MAN1A2: variants seen among roughly 807,000 people sequenced by gnomAD.
The protein encoded by MAN1A2 is mannosyl-oligosaccharide 1,2-alpha-mannosidase IB.
In MAN1A2, 26 loss-of-function variants were observed where a neutral mutation model predicts 75.7. That is an observed-to-expected ratio of 0.34 (90% CI 0.25 to 0.48). The LOEUF (loss-of-function observed/expected upper bound fraction) is 0.48, where lower values mean the gene tolerates loss of function less well. Among genes scored for constraint, MAN1A2 ranks in the 20% least tolerant of loss-of-function variants. The pLI is 0.99. For missense variants in MAN1A2, 562 were observed against 775.5 expected (o/e 0.72, Z 3.27); for synonymous variants, 247 against 264.6 (o/e 0.93, Z 0.65).
chr1:117,503,832 A>G (rs1466757037), intron 12 of MAN1A2, among the ~76,000 whole-genome samples: 1 of 151,590 alleles, frequency 6.6e-6, no homozygotes, highest in East Asian at 1.9e-4. Flanking sequence ...TACAATTAAA[A>G]TGTACCGTTC....
intron 1 of MAN1A2, among the ~76,000 whole-genome samples, chr1:117,399,935 A>G (rs1362274115): frequency 6.6e-6 from 1 of 152,182 alleles, no homozygotes; most frequent in Admixed American, 6.5e-5. Context: ...TGATTAACAT[A>G]GATGGATTAT....
At chr1:117,373,285 G>A (rs1146298) in intron 1 of MAN1A2, among the ~76,000 whole-genome samples, 116,500 of 151,670 alleles carry the variant, frequency 0.77, 44,922 homozygotes, top group African/African-American at 0.82. Context: ...TTTTTTATTT[G>A]GGGCTTTCTG....
intron 11 of MAN1A2, among the ~76,000 whole-genome samples, chr1:117,501,003 A>T (rs1187799507): frequency 6.6e-6 from 1 of 151,814 alleles, no homozygotes; most frequent in African/African-American, 2.4e-5. Context: ...GATATGTCTG[A>T]ATCACGTGAG....
chr1:117,485,089 A>G (rs901486008), intron 8 of MAN1A2, among the ~76,000 whole-genome samples: 2 of 151,994 alleles, frequency 1.3e-5, no homozygotes, highest in African/African-American at 4.8e-5. Flanking sequence ...TTCTATGTAA[A>G]ATCATCTTGA....
chr1:117,443,981 A>G (rs962680763), intron 6 of MAN1A2, among the ~76,000 whole-genome samples: 1 of 151,414 alleles, frequency 6.6e-6, no homozygotes, highest in Non-Finnish European at 1.5e-5. Flanking sequence ...CTTAGTCTTG[A>G]TGACTGAAAG....
chr1:117,488,323 G>C (rs942193472), intron 8 of MAN1A2, among the ~76,000 whole-genome samples: 4 of 151,542 alleles, frequency 2.6e-5, no homozygotes, highest in Non-Finnish European at 4.4e-5. Context: ...AGCCTCCCAA[G>C]TAGCTGGGAT....
chr1:117,505,973 G>C (rs1363694466), intron 12 of MAN1A2, among the ~76,000 whole-genome samples: 1 of 151,338 alleles, frequency 6.6e-6, no homozygotes, highest in Admixed American at 6.6e-5. Flanking sequence ...TCTTAGGGAA[G>C]ATACAAAAAC....
chr1:117,499,345 T>TTTTTGCAAACAAACAAAATG, intron 10 of MAN1A2, 37 bp from the exon 11 acceptor site: 1 of 1,419,886 alleles, frequency 7.0e-7, no homozygotes, highest in Non-Finnish European at 9.4e-7. Context: ...ACATAAATGG[T>TTTTTGCAAACAAACAAAATG]TTATTTTGCT....
At chr1:117,418,554 G>A (rs1377519654) in intron 4 of MAN1A2, among the ~76,000 whole-genome samples, 2 of 151,976 alleles carry the variant, frequency 1.3e-5, no homozygotes, top group African/African-American at 4.8e-5. Context: ...ATTTTAAAAA[G>A]GCAATCTGTT....
At chr1:117,437,799 A>G (rs775011163) in intron 5 of MAN1A2, among the ~76,000 whole-genome samples, 6 of 152,208 alleles carry the variant, frequency 3.9e-5, no homozygotes, top group Non-Finnish European at 7.3e-5. Context: ...TTTTTGTAGA[A>G]CATATTAAAA....
At chr1:117,429,401 TC>T (rs1354162965) in intron 5 of MAN1A2, among the ~76,000 whole-genome samples, 1 of 131,884 alleles carries the variant, frequency 7.6e-6, no homozygotes, top group African/African-American at 2.9e-5. Flanking sequence ...GCCCCTCACC[TC>T]CCGGACGGGG....
intron 9 of MAN1A2, among the ~76,000 whole-genome samples, chr1:117,496,430 T>C (rs976980433): frequency 6.6e-6 from 1 of 152,018 alleles, no homozygotes; most frequent in Non-Finnish European, 1.5e-5. Context: ...GTTTATAATA[T>C]GGCTTCTCTT....
At chr1:117,439,160 G>A (rs1442799111) in intron 5 of MAN1A2, among the ~76,000 whole-genome samples, 1 of 152,174 alleles carries the variant, frequency 6.6e-6, no homozygotes, top group Non-Finnish European at 1.5e-5. Flanking sequence ...AGCTAATGTA[G>A]AGTGACTGAG....
chr1:117,427,082 T>A (rs1380614537), intron 5 of MAN1A2, among the ~76,000 whole-genome samples: 1 of 152,134 alleles, frequency 6.6e-6, no homozygotes, highest in African/African-American at 2.4e-5. Flanking sequence ...CAGCTTCCTG[T>A]AAAGCCTATC....
chr1:117,501,649 C>T (rs1333506970), intron 11 of MAN1A2, among the ~76,000 whole-genome samples: 2 of 151,816 alleles, frequency 1.3e-5, no homozygotes, highest in East Asian at 3.9e-4. Flanking sequence ...CTCTTGTATC[C>T]AAAATTTCTT....
In MAN1A2 at chr1:117,527,033, A is replaced by G. The variant is rs1312825250; in HGVS notation, c.*4076A>G. 2 of 151,464 alleles carry G rather than the reference A, an allele frequency of 1.3e-5. No homozygotes were observed. The highest frequency in any genetic ancestry group is 4.8e-5 in the African/African-American group (2 of 41,298). The allele number at this position is 151,464 out of a possible 1,614,324, so 9.4% of individuals were successfully genotyped here. On this transcript the variant is annotated 3_prime_UTR_variant, in exon 13 of 13. Transcript: ENST00000356554. ...TTGAAAACTGGTTTCGGCTGCACAA[A>G]TAAGCAGAATATTTGAGTAACTATA...
In MAN1A2 at chr1:117,527,313, T is replaced by G. The variant is rs989909275; in HGVS notation, c.*4356T>G. ...GGGCGTAGCTATGTTCCAGGAAAAC[T>G]TTATTTACAAAAGCAGATGGAGGGC... On this transcript the variant is annotated 3_prime_UTR_variant, in exon 13 of 13. Transcript: ENST00000356554. 1 of 151,936 alleles carries G rather than the reference T, an allele frequency of 6.6e-6. No individual in the cohort carries two copies. The highest frequency in any genetic ancestry group is 2.4e-5 in the African/African-American group (1 of 41,414). 9.4% of individuals were successfully genotyped at this position (151,936 alleles called of 1,614,324 possible). A position where few individuals can be genotyped will look rare whatever the true frequency, so the allele number is the denominator to read the frequency against.
chr1:117,373,486 T>TG (rs1653039631), intron 1 of MAN1A2, among the ~76,000 whole-genome samples: 1 of 143,520 alleles, frequency 7.0e-6, no homozygotes, highest in Admixed American at 6.9e-5. Context: ...CTGCATTTGT[T>TG]TTTTTTTTTT....
intron 5 of MAN1A2, among the ~76,000 whole-genome samples, chr1:117,429,077 T>C (rs1648485952): frequency 6.8e-6 from 1 of 147,904 alleles, no homozygotes; most frequent in Admixed American, 6.7e-5. Flanking sequence ...CATTTAACCC[T>C]GAGTGGACAC....
Sources: gnomAD v4.1 joint callset for allele counts (sites outside exome capture counted in the v4.1 genomes callset) on GRCh38, gnomAD v4.1.1 for gene constraint, MANE v1.5 for transcripts, NCBI Gene and HGNC (gene_info 2026-07-23, HGNC 2026-07-21) for gene names.